Variants in ATG5 observed in about 807,000 individuals in gnomAD.
ATG5 encodes the protein autophagy protein 5.
Under a neutral mutation model 36.5 loss-of-function variants are expected in ATG5, and 14 were observed. That is an observed-to-expected ratio of 0.38 (90% CI 0.25 to 0.60). ATG5 has a LOEUF of 0.60. Among genes scored for constraint, ATG5 ranks in the 20% least tolerant of loss-of-function variants. The probability of loss-of-function intolerance (pLI) is 0.60; values close to 1 mark genes in which losing one functional copy is unlikely to be tolerated. For missense variants in ATG5, 195 were observed against 326.7 expected, an observed-to-expected ratio of 0.60 and a Z score of 3.11; for synonymous variants, 95 against 101.5, an observed-to-expected ratio of 0.94 and a Z score of 0.38.
At chr6:106,323,350 C>T (rs183580269) in intron 1 of ATG5, among the ~76,000 whole-genome samples, 24 of 140,006 alleles carry the variant, frequency 1.7e-4, no homozygotes, top group African/African-American at 6.3e-4. Flanking sequence ...GTCACTGTAA[C>T]CTTGAGCTCA....
intron 4 of ATG5, among the ~76,000 whole-genome samples, chr6:106,285,744 C>A (rs1403363130): frequency 6.6e-6 from 1 of 152,204 alleles, no homozygotes; most frequent in East Asian, 1.9e-4. Flanking sequence ...CATTTCAATG[C>A]AACTTTATTT....
At chr6:106,297,965 A>AT (rs34194209) in intron 3 of ATG5, among the ~76,000 whole-genome samples, 21,167 of 134,604 alleles carry the variant, frequency 0.16, 1,877 homozygotes, top group Non-Finnish European at 0.2. Flanking sequence ...GTCAAAATCT[A>AT]TTTTTTTTTT....
chr6:106,289,633 CT>C (rs2114623054), intron 4 of ATG5, among the ~76,000 whole-genome samples: 1 of 151,938 alleles, frequency 6.6e-6, no homozygotes, highest in South Asian at 2.1e-4. Flanking sequence ...GATTATATTA[CT>C]GATATTTACA....
At chr6:106,321,915 G>A (rs867511147) in intron 1 of ATG5, among the ~76,000 whole-genome samples, 1 of 152,116 alleles carries the variant, frequency 6.6e-6, no homozygotes, top group Middle Eastern at 3.4e-3. Flanking sequence ...GTTAAATAAT[G>A]GGGAAAAATA....
intron 5 of ATG5, among the ~76,000 whole-genome samples, chr6:106,252,653 A>G (rs1342709972): frequency 1.3e-5 from 2 of 152,202 alleles, no homozygotes. Flanking sequence ...TTCTTATGCC[A>G]CAAATAACAT....
intron 6 of ATG5, among the ~76,000 whole-genome samples, chr6:106,203,521 C>T (rs1210017764): frequency 6.6e-6 from 1 of 152,168 alleles, no homozygotes; most frequent in Non-Finnish European, 1.5e-5. Context: ...ACGGTTATTT[C>T]ACTTTAAGAT....
At position 106,192,217 on chromosome 6, in the gene ATG5, G is replaced by T. The variant is rs546680960; in HGVS notation, c.692-5541C>A. The stretch of plus-strand genomic sequence containing the variant: ...TATCATTTAATAGACTTTAGGTAAG[G>T]TTATTTTTTTTAAAAAAGATGAAAA... On this transcript the variant is annotated intron_variant, in intron 7 of 7. Coordinates refer to ENST00000369076, the MANE Select transcript of ATG5 (RefSeq NM_004849.4). Among the ~76,000 whole-genome samples the T allele has an allele frequency of 3.3e-5, 5 of 151,056 alleles. 1 individual carries two copies. Among genetic ancestry groups the T allele is most frequent in the African/African-American group, 9.7e-5 (4 of 41,140 alleles).
intron 6 of ATG5, among the ~76,000 whole-genome samples, chr6:106,211,582 C>A (rs955478690): frequency 6.6e-6 from 1 of 152,124 alleles, no homozygotes; most frequent in African/African-American, 2.4e-5. Context: ...TGGTGGCGTG[C>A]ATCTGTAGTC....
At chr6:106,233,757 C>T (rs61305922) in intron 6 of ATG5, among the ~76,000 whole-genome samples, 4 of 151,716 alleles carry the variant, frequency 2.6e-5, no homozygotes, top group South Asian at 4.2e-4. Context: ...TAACTAAAAT[C>T]GTAAATCCCC....
At chr6:106,304,812 C>A (rs1770374693) in intron 3 of ATG5, among the ~76,000 whole-genome samples, 1 of 152,100 alleles carries the variant, frequency 6.6e-6, no homozygotes, top group African/African-American at 2.4e-5. Flanking sequence ...GATGAATTGG[C>A]CAGGCACGGT....
At chr6:106,209,853 T>C (rs1240152758) in intron 6 of ATG5, among the ~76,000 whole-genome samples, 1 of 152,196 alleles carries the variant, frequency 6.6e-6, no homozygotes, top group African/African-American at 2.4e-5. Flanking sequence ...AAATAAAAAT[T>C]TTTTTCAAAA....
intron 5 of ATG5, among the ~76,000 whole-genome samples, chr6:106,249,415 G>GTAT (rs1399554268): frequency 2.0e-5 from 3 of 152,114 alleles, no homozygotes; most frequent in Non-Finnish European, 4.4e-5. Flanking sequence ...TCATGTTGTA[G>GTAT]TATGTATCAG....
intron 6 of ATG5, among the ~76,000 whole-genome samples, chr6:106,228,792 GC>G (rs1248400803): frequency 6.6e-6 from 1 of 152,162 alleles, no homozygotes; most frequent in East Asian, 1.9e-4. Flanking sequence ...GATTAGCATG[GC>G]CGCCAGACTT....
intron 6 of ATG5, among the ~76,000 whole-genome samples, chr6:106,231,676 T>C (rs1467184303): frequency 6.6e-6 from 1 of 152,052 alleles, no homozygotes; most frequent in Admixed American, 6.5e-5. Flanking sequence ...GGCCAACTAA[T>C]CTTAAAGGAT....
chr6:106,209,032 A>G (rs968595738), intron 6 of ATG5, among the ~76,000 whole-genome samples: 1 of 152,344 alleles, frequency 6.6e-6, no homozygotes. Flanking sequence ...GGTAACACCA[A>G]ATGCTGGTGC....
intron 1 of ATG5, among the ~76,000 whole-genome samples, chr6:106,324,703 A>AT (rs1468419812): frequency 6.6e-6 from 1 of 152,250 alleles, no homozygotes; most frequent in African/African-American, 2.4e-5. Context: ...TTTAAGTAGC[A>AT]TATCTTTGAA....
chr6:106,228,961 C>G (rs900542197), intron 6 of ATG5, among the ~76,000 whole-genome samples: 1 of 152,126 alleles, frequency 6.6e-6, no homozygotes, highest in Non-Finnish European at 1.5e-5. Context: ...CCCGAACTCC[C>G]GGCATTAGCC....
At chr6:106,259,046 A>C (rs1288357174) in intron 5 of ATG5, among the ~76,000 whole-genome samples, 1 of 152,228 alleles carries the variant, frequency 6.6e-6, no homozygotes, top group Non-Finnish European at 1.5e-5. Flanking sequence ...AAAAGAAGAC[A>C]AGGACAATAA....
intron 5 of ATG5, among the ~76,000 whole-genome samples, chr6:106,265,737 T>A (rs1475572589): frequency 6.6e-6 from 1 of 152,082 alleles, no homozygotes; most frequent in Non-Finnish European, 1.5e-5. Flanking sequence ...AAACCGCTCC[T>A]AAATAACTAC....
Sources: gnomAD v4.1 joint callset for allele counts (sites outside exome capture counted in the v4.1 genomes callset) on GRCh38, gnomAD v4.1.1 for gene constraint, MANE v1.5 for transcripts, NCBI Gene and HGNC (gene_info 2026-07-23, HGNC 2026-07-21) for gene names.